The following ARHGAP28 variants were observed in gnomAD, a reference collection of about 807,000 sequenced individuals.
ARHGAP28 encodes the protein Rho GTPase activating protein 28.
Under a neutral mutation model 90.7 loss-of-function variants are expected in ARHGAP28, and 56 were observed. The observed-to-expected ratio is 0.62, with a 90% CI of 0.50 to 0.77. The LOEUF (loss-of-function observed/expected upper bound fraction) is 0.77. Ranked by LOEUF, ARHGAP28 falls within the 30% of genes least tolerant of loss-of-function variation. The pLI is 0.00. For synonymous variants in ARHGAP28, 308 were observed against 323.3 expected, an observed-to-expected ratio of 0.95 and a Z score of 0.51; for missense variants, 869 against 900.9, an observed-to-expected ratio of 0.96 and a Z score of 0.45.
At chr18:6,841,151 TCCTCTTTCTCTCTCTC>T (rs2056807689) in intron 3 of ARHGAP28, among the ~76,000 whole-genome samples, 13 of 114,474 alleles carry the variant, frequency 1.1e-4, no homozygotes, top group African/African-American at 3.9e-4. Flanking sequence ...ACTGTCTCTC[TCCTCTTTCTCTCTCTC>T]CTCTCTCTCT....
chr18:6,880,120 G>C (rs971729212), intron 10 of ARHGAP28, among the ~76,000 whole-genome samples: 1 of 152,160 alleles, frequency 6.6e-6, no homozygotes, highest in Non-Finnish European at 1.5e-5. Flanking sequence ...AGTGGTACCA[G>C]GCGACTGATG....
intron 1 of ARHGAP28, among the ~76,000 whole-genome samples, chr18:6,739,438 TGAAG>T (rs2055955989): frequency 6.6e-6 from 1 of 151,790 alleles, no homozygotes; most frequent in South Asian, 2.1e-4. Context: ...TGTTATCACT[TGAAG>T]GAAGTTCAAT....
At chr18:6,730,830 G>T (rs892930099) in intron 1 of ARHGAP28, among the ~76,000 whole-genome samples, 3 of 152,214 alleles carry the variant, frequency 2.0e-5, no homozygotes, top group African/African-American at 7.2e-5. Context: ...CAAGGGGGCA[G>T]TTTGAGTGGT....
At chr18:6,841,227 C>T (rs1379459484) in intron 3 of ARHGAP28, among the ~76,000 whole-genome samples, 3 of 129,518 alleles carry the variant, frequency 2.3e-5, no homozygotes, top group African/African-American at 1.0e-4. Context: ...CTCTCTCCCC[C>T]CAACCCGCCC....
chr18:6,870,452 T>C (rs934533209), intron 6 of ARHGAP28, 138 bp from the exon 7 acceptor site: 5 of 829,016 alleles, frequency 6.0e-6, no homozygotes, highest in Non-Finnish European at 9.5e-6. Context: ...GGGGTGAGTC[T>C]GCTGCTTTTC....
intron 2 of ARHGAP28, among the ~76,000 whole-genome samples, 190 bp from the exon 3 acceptor site, chr18:6,837,007 A>C (rs1360685533): frequency 6.6e-6 from 1 of 152,218 alleles, no homozygotes; most frequent in Non-Finnish European, 1.5e-5. Context: ...ACTCTATTAG[A>C]AAATACTTTA....
At chr18:6,844,522 T>C (rs965614410) in intron 3 of ARHGAP28, among the ~76,000 whole-genome samples, 7 of 152,210 alleles carry the variant, frequency 4.6e-5, no homozygotes, top group African/African-American at 1.7e-4. Context: ...TAGCTATGGT[T>C]ATCTCCACAA....
At chr18:6,755,194 T>G (rs552012464) in intron 1 of ARHGAP28, among the ~76,000 whole-genome samples, 1 of 152,084 alleles carries the variant, frequency 6.6e-6, no homozygotes, top group Non-Finnish European at 1.5e-5. Flanking sequence ...AGAAAGTAAA[T>G]TTTTGGAAGA....
intron 1 of ARHGAP28, among the ~76,000 whole-genome samples, chr18:6,813,086 AATTTATCAT>A (rs1474960218): frequency 6.6e-6 from 1 of 152,184 alleles, no homozygotes; most frequent in African/African-American, 2.4e-5. Flanking sequence ...GTGGATTTAG[AATTTATCAT>A]ATTTTAACTT....
In ARHGAP28 at chr18:6,859,836, C is replaced by A; in HGVS notation, c.665C>A (p.Thr222Asn). ...GATGATGCTTCTCTCAACAGTACTA[C>A]CCTGTCTGACGCATCCCAGGATAAA... is the stretch of plus-strand genomic sequence containing the variant. ...MPDDASLNST[T>N]LSDASQDKEG... is the part of the protein sequence containing the mutation. Residue 222 changes from threonine to asparagine, a missense_variant, in exon 5 of 18, where the codon ACC becomes AAC. By Grantham distance (65) the Thr-to-Asn change is moderately conservative (BLOSUM62 0). Transcript: ENST00000383472. 5 of 1,614,190 alleles carry A rather than the reference C, an allele frequency of 3.1e-6. No individual in the cohort carries two copies. Among genetic ancestry groups the A allele is most frequent in the Non-Finnish European group, 4.2e-6 (5 of 1,180,008 alleles).
Position 6,851,089 on chromosome 18 carries a change from GA to G in ARHGAP28, c.600del (p.Glu201SerfsTer69). On this transcript the variant is annotated frameshift_variant, in exon 4 of 18. Coordinates refer to ENST00000383472, the MANE Select transcript of ARHGAP28 (RefSeq NM_001366230.1). LOFTEE classifies it high-confidence loss of function. ...TNQLDGTKEE[R>X]ELPRVIKTSG... ...CAGCTGGATGGCACCAAGGAAGAAA[GA>G]GAGCTTCCAAGAGTTATCAAGACAA... 6.2e-7 allele frequency: 1 copy of G among 1,614,106 alleles called. No homozygotes were observed. The highest frequency in any genetic ancestry group is 8.5e-7 in the Non-Finnish European group (1 of 1,179,998).
intron 1 of ARHGAP28, among the ~76,000 whole-genome samples, chr18:6,749,072 A>C (rs916196912): frequency 8.5e-5 from 13 of 152,246 alleles, no homozygotes; most frequent in Non-Finnish European, 1.5e-4. Flanking sequence ...CAATATAATC[A>C]TAACAACATT....
chr18:6,864,675 C>T (rs2057024691), intron 5 of ARHGAP28, among the ~76,000 whole-genome samples: 1 of 151,640 alleles, frequency 6.6e-6, no homozygotes, highest in South Asian at 2.1e-4. Flanking sequence ...AATTAATAAA[C>T]TTTATTATTA....
At chr18:6,856,362 C>A (rs1331940537) in intron 4 of ARHGAP28, among the ~76,000 whole-genome samples, 1 of 152,114 alleles carries the variant, frequency 6.6e-6, no homozygotes, top group Non-Finnish European at 1.5e-5. Context: ...TTCAAAGCAG[C>A]AATGGCCCTT....
At chr18:6,773,328 A>C (rs2056258529) in intron 1 of ARHGAP28, among the ~76,000 whole-genome samples, 4 of 152,122 alleles carry the variant, frequency 2.6e-5, no homozygotes, top group Admixed American at 2.6e-4. Flanking sequence ...TTTTGGAGAG[A>C]AGAGAAGAAA....
At chr18:6,751,304 C>T (rs1187309174) in intron 1 of ARHGAP28, among the ~76,000 whole-genome samples, 1 of 151,638 alleles carries the variant, frequency 6.6e-6, no homozygotes, top group African/African-American at 2.4e-5. Context: ...AATATTTTCC[C>T]TTTGTCAGAT....
chr18:6,733,958 G>A (rs879874765), intron 1 of ARHGAP28, among the ~76,000 whole-genome samples: 1 of 152,188 alleles, frequency 6.6e-6, no homozygotes, highest in Non-Finnish European at 1.5e-5. Flanking sequence ...CCTAGTTGGT[G>A]TCTACAGTGC....
At chr18:6,837,750 G>A (rs1465069715) in intron 3 of ARHGAP28, among the ~76,000 whole-genome samples, 3 of 152,038 alleles carry the variant, frequency 2.0e-5, no homozygotes, top group Non-Finnish European at 2.9e-5. Flanking sequence ...CTCTGTGGTC[G>A]GGCAAAGGAG....
chr18:6,813,592 A>T (rs2056571471), intron 1 of ARHGAP28, among the ~76,000 whole-genome samples: 1 of 152,164 alleles, frequency 6.6e-6, no homozygotes, highest in South Asian at 2.1e-4. Flanking sequence ...ATTTTGTCAT[A>T]TGCTTTTCAG....
Sources: gnomAD v4.1 joint callset for allele counts (sites outside exome capture counted in the v4.1 genomes callset) on GRCh38, gnomAD v4.1.1 for gene constraint, MANE v1.5 for transcripts, NCBI Gene and HGNC (gene_info 2026-07-23, HGNC 2026-07-21) for gene names.